DGKA: variants seen among roughly 807,000 people sequenced by gnomAD.
DGKA encodes diacylglycerol kinase alpha, also known as 80 kDa diacylglycerol kinase.
DGKA carries 35 observed loss-of-function variants against 105.0 expected under a neutral mutation model. The ratio of observed to expected loss-of-function variants is 0.33; its 90% CI spans 0.25 to 0.44. The LOEUF (loss-of-function observed/expected upper bound fraction) is 0.44. Ranked by LOEUF, DGKA falls within the 20% of genes least tolerant of loss-of-function variation. The probability of loss-of-function intolerance (pLI) is 1.00; values close to 1 mark genes in which losing one functional copy is unlikely to be tolerated. For synonymous variants in DGKA, 296 were observed against 332.0 expected (o/e 0.89, Z 1.18); for missense variants, 665 against 915.0 (o/e 0.73, Z 3.53).
At chr12:55,941,364 A>G in intron 14 of DGKA, 39 bp downstream of exon 14, 1 of 1,605,382 alleles carries the variant, frequency 6.2e-7, no homozygotes, top group Non-Finnish European at 8.5e-7. Flanking sequence ...GATGAGAGGC[A>G]GGGCCTGCCT....
At chr12:55,953,329 A>G (rs1374617566) in intron 22 of DGKA, 21 bp from the exon 23 acceptor site, 1 of 1,613,842 alleles carries the variant, frequency 6.2e-7, no homozygotes. Context: ...GAAATCACCA[A>G]TGTTCCTTGG....
chr12:55,927,672 C>A, upstream of DGKA: 1 of 1,536,142 alleles, frequency 6.5e-7, no homozygotes, highest in Non-Finnish European at 8.7e-7. Flanking sequence ...CACTCAACCA[C>A]CAGAGACCCG....
chr12:55,937,151 C>G (rs962493510), intron 3 of DGKA, 61 bp downstream of exon 3: 11 of 1,574,516 alleles, frequency 7.0e-6, no homozygotes, highest in Non-Finnish European at 9.6e-6. Flanking sequence ...TTTTTGATCC[C>G]CAACTTCCAG....
chr12:55,928,587 G>A (rs1883243296), upstream of DGKA, among the ~76,000 whole-genome samples: 1 of 134,190 alleles, frequency 7.5e-6, no homozygotes, highest in African/African-American at 2.8e-5. Context: ...CTGAGGCAGA[G>A]AATTTCTTGA....
Position 55,953,387 on chromosome 12 carries a change from C to A in DGKA, c.2101C>A (p.Pro701Thr). The change falls in exon 23 of 24, where the codon CCC becomes ACC. Residue 701 changes from proline (P) to threonine (T), a missense_variant. By Grantham distance (38) the Pro-to-Thr change is conservative. This residue lies in a region of DGKA where 158 missense variants were observed against 213.4 expected (regional missense o/e 0.74). Transcript: ENST00000331886. ...CCTTCCCATGCAAATTGACGGAGAA[C>A]CCTGGATGCAGACGCCCTGTACAGT... Reference protein sequence around the residue: ...KTLPMQIDGEPWMQTPCTIKI... With the variant: ...KTLPMQIDGETWMQTPCTIKI... 6.2e-7 allele frequency: 1 copy of A among 1,614,138 alleles called. No individual in the cohort carries two copies. Among genetic ancestry groups the A allele is most frequent in the Non-Finnish European group, 8.5e-7 (1 of 1,180,008 alleles).
Position 55,932,520 on chromosome 12 carries a change from T to C in DGKA, c.-82+1176T>C. ...TCCCCACCTGTCACTGGGAAGTTTCTGAAAATACCTGAGTCTGAATCTCAC... is the reference window on the plus strand; with the variant it reads ...TCCCCACCTGTCACTGGGAAGTTTCCGAAAATACCTGAGTCTGAATCTCAC... On this transcript the variant is annotated intron_variant, in intron 1 of 23. Transcript: ENST00000331886. This position sits in a 1 kb window ranked among gnomAD's most constrained non-coding sequence, Gnocchi z 4.3. 1.4e-6 allele frequency: 1 copy of C among 702,238 alleles called. No homozygotes were observed. Among genetic ancestry groups the C allele is most frequent in the East Asian group, 2.7e-5 (1 of 37,284 alleles). The allele number at this position is 702,238 out of a possible 1,614,324, so 43.5% of individuals were successfully genotyped here.
rs368476640 is a variant in DGKA, at chr12:55,940,779, C to T, written c.1017+57C>T. 5.0e-6 allele frequency: 8 copies of T among 1,601,862 alleles called. No homozygotes were observed. The highest frequency in any genetic ancestry group is 2.2e-5 in the East Asian group (1 of 44,838). ...AGGAGTGCCTCCCCGATTTCCCACA[C>T]GCACAGAGTGGCATTTAGAATAGAG... On this transcript the variant is annotated intron_variant, in intron 12 of 23. Transcript: ENST00000331886. The surrounding 1 kb of genome is among the most constrained non-coding windows in gnomAD (Gnocchi z 4.3).
intron 23 of DGKA, 39 bp from the exon 24 acceptor site, chr12:55,953,646 A>G: frequency 1.9e-6 from 3 of 1,593,538 alleles, no homozygotes; most frequent in South Asian, 1.1e-5. Context: ...GCCCCAAAGT[A>G]TCAGGTCCTG....
intron 17 of DGKA, among the ~76,000 whole-genome samples, chr12:55,949,225 TCTCA>T (rs1384516575): frequency 6.7e-6 from 1 of 149,764 alleles, no homozygotes. Flanking sequence ...TGAGACGGAG[TCTCA>T]CTCTGTCACC....
intron 9 of DGKA, chr12:55,939,795 T>C (rs987413985): frequency 1.7e-6 from 1 of 585,774 alleles, no homozygotes; most frequent in South Asian, 2.1e-5. Context: ...AAAAAATATC[T>C]ATTATGATTA....
At chr12:55,953,631 C>A in intron 23 of DGKA, 54 bp from the exon 24 acceptor site, 1 of 1,568,246 alleles carries the variant, frequency 6.4e-7, no homozygotes, top group Non-Finnish European at 8.8e-7. Flanking sequence ...ATCTCTGAAG[C>A]CACAGCCCCA....
chr12:55,938,776 A>T (rs1885298114), intron 6 of DGKA, 139 bp from the exon 7 acceptor site: 1 of 1,537,136 alleles, frequency 6.5e-7, no homozygotes. Flanking sequence ...ATACAAACAC[A>T]TTTATTTACT....
chr12:55,937,630 A>G, intron 4 of DGKA, 87 bp downstream of exon 4: 1 of 1,528,564 alleles, frequency 6.5e-7, no homozygotes, highest in Non-Finnish European at 8.9e-7. Flanking sequence ...AACTTGAGTC[A>G]CACGTTGTGC....
chr12:55,941,593 A>G lies in DGKA; in HGVS notation c.1250+9A>G, dbSNP rs1489281007. The G allele has an allele frequency of 6.2e-7, 1 of 1,613,880 alleles. No individual in the cohort carries two copies. The highest frequency in any genetic ancestry group is 1.1e-5 in the South Asian group (1 of 91,066). On this transcript the variant is annotated intron_variant, in intron 15 of 23. Coordinates refer to ENST00000331886, the MANE Select transcript of DGKA (RefSeq NM_001345.5). ...GATGGTCCTGAGATAGGGTGAGCAC[A>G]GGTTAGGGACTGTATCACAGTGTTT...
rs1275718448 is a variant in DGKA at position 55,932,855 on chromosome 12, C to T, written c.-82+1511C>T. On this transcript the variant is annotated intron_variant, in intron 1 of 23. Coordinates refer to ENST00000331886, the MANE Select transcript of DGKA (RefSeq NM_001345.5). The surrounding 1 kb of genome is among the most constrained non-coding windows in gnomAD (Gnocchi z 4.3). ...AGGGCTACCTACTAGCAGCAACGGT[C>T]AGGGAGAGGAGGAGGATACAGTCTA... The T allele has an allele frequency of 6.3e-6, 3 of 478,076 alleles. No individual in the cohort carries two copies. Among genetic ancestry groups the T allele is most frequent in the African/African-American group, 5.8e-5 (3 of 51,412 alleles). The allele number at this position is 478,076 out of a possible 1,614,324, so 29.6% of individuals were successfully genotyped here. A position where few individuals can be genotyped will look rare whatever the true frequency, so the allele number is the denominator to read the frequency against.
At chr12:55,938,204 C>T in intron 5 of DGKA, 152 bp downstream of exon 5, 3 of 744,534 alleles carry the variant, frequency 4.0e-6, no homozygotes, top group Non-Finnish European at 6.7e-6. Flanking sequence ...CTGTGTTCTC[C>T]CAGACTATTT....
chr12:55,941,702 G>A (rs1348201317), intron 15 of DGKA, 118 bp downstream of exon 15: 2 of 1,091,370 alleles, frequency 1.8e-6, no homozygotes, highest in East Asian at 2.4e-5. Flanking sequence ...TCCCCAAGAG[G>A]CCAGAATTCA....
intron 17 of DGKA, among the ~76,000 whole-genome samples, chr12:55,947,263 A>C (rs752299345): frequency 3.3e-5 from 5 of 152,054 alleles, no homozygotes; most frequent in Non-Finnish European, 5.9e-5. Flanking sequence ...GAGATTACAG[A>C]TGTAAGCCAC....
chr12:55,936,220 CAG>C (rs1884668736), intron 1 of DGKA: 1 of 589,556 alleles, frequency 1.7e-6, no homozygotes, highest in South Asian at 3.1e-5. Context: ...GTCAGAGAAA[CAG>C]AGACAGAGGA....
Sources: gnomAD v4.1 joint callset for allele counts (sites outside exome capture counted in the v4.1 genomes callset) on GRCh38, gnomAD v4.1.1 for gene constraint, gnomAD v4.1.1 regional missense constraint, Gnocchi (gnomAD v3.1) non-coding constraint, MANE v1.5 for transcripts, NCBI Gene and HGNC (gene_info 2026-07-23, HGNC 2026-07-21) for gene names.